The following FER1L6 variants were observed in gnomAD, a reference collection of about 807,000 sequenced individuals.
The protein encoded by FER1L6 is fer-1-like protein 6.
Under a neutral mutation model 219.2 loss-of-function variants are expected in FER1L6, and 177 were observed. The observed-to-expected ratio is 0.81, with a 90% CI of 0.71 to 0.91. The LOEUF is 0.91. Among genes scored for constraint, FER1L6 ranks in the 40% least tolerant of loss-of-function variants. FER1L6 has a pLI of 0.00. For synonymous variants in FER1L6, 768 were observed against 824.3 expected (o/e 0.93, Z 1.17); for missense variants, 2,153 against 2,259.9 (o/e 0.95, Z 0.96).
At chr8:124,004,966 C>T (rs1420073647) in intron 13 of FER1L6, among the ~76,000 whole-genome samples, 1 of 151,332 alleles carries the variant, frequency 6.6e-6, no homozygotes, top group African/African-American at 2.4e-5. Flanking sequence ...CCACTGCACT[C>T]CAGCCTGGGC....
chr8:124,043,329 G>A (rs2130745619), intron 20 of FER1L6, among the ~76,000 whole-genome samples: 1 of 152,262 alleles, frequency 6.6e-6, no homozygotes, highest in Non-Finnish European at 1.5e-5. Flanking sequence ...TCCAACATCA[G>A]GTAGGTAATG....
At chr8:123,940,639 G>A (rs1287590407) in intron 1 of FER1L6, among the ~76,000 whole-genome samples, 1 of 152,162 alleles carries the variant, frequency 6.6e-6, no homozygotes, top group Non-Finnish European at 1.5e-5. Context: ...CACCTGCTCA[G>A]AGTTTCACAT....
At chr8:124,055,822 G>T (rs1156283880) in intron 22 of FER1L6, among the ~76,000 whole-genome samples, 1 of 152,136 alleles carries the variant, frequency 6.6e-6, no homozygotes. Flanking sequence ...GCATCAGCAG[G>T]TCTGTGTTCC....
chr8:123,871,665 A>T (rs1334565380), intron 1 of FER1L6, among the ~76,000 whole-genome samples: 1 of 152,228 alleles, frequency 6.6e-6, no homozygotes, highest in African/African-American at 2.4e-5. Flanking sequence ...AATTATTTGT[A>T]TAGATACCTC....
intron 33 of FER1L6, among the ~76,000 whole-genome samples, chr8:124,083,361 T>C (rs1821653968): frequency 6.6e-6 from 1 of 152,196 alleles, no homozygotes; most frequent in South Asian, 2.1e-4. Context: ...TTTATTTTTC[T>C]TAACCTAATG....
chr8:123,940,424 G>A (rs1814192009), intron 1 of FER1L6, among the ~76,000 whole-genome samples: 1 of 152,070 alleles, frequency 6.6e-6, no homozygotes, highest in African/African-American at 2.4e-5. Context: ...TGCAACCTCC[G>A]CCTCCCAAGT....
In FER1L6 at chr8:124,039,776, GT is replaced by G. The variant is rs1046178932; in HGVS notation, c.2465-105del. The G allele has an allele frequency of 2.6e-3, 3,673 of 1,438,438 alleles. 13 individuals are homozygous for G. Among genetic ancestry groups the G allele is most frequent in the Non-Finnish European group, 3.1e-3 (3,267 of 1,043,808 alleles). 89.1% of individuals were successfully genotyped at this position (1,438,438 alleles called of 1,614,324 possible). On this transcript the variant is annotated intron_variant, in intron 19 of 40. Coordinates refer to ENST00000522917, the MANE Select transcript of FER1L6 (RefSeq NM_001039112.2). The stretch of plus-strand genomic sequence containing the variant: ...TGGATGTGGCTGGTGGTCTCCTTTT[GT>G]CTGTCTGTGGATACATAGATGGACA...
chr8:124,023,417 C>CA (rs751250833), intron 17 of FER1L6, 27 bp from the exon 18 acceptor site: 1 of 1,605,316 alleles, frequency 6.2e-7, no homozygotes, highest in Non-Finnish European at 8.5e-7. Context: ...CATTCCTATT[C>CA]AATCCCAACT....
At position 123,881,496 on chromosome 8, in the gene FER1L6, G is replaced by A. The variant is rs183067781; in HGVS notation, c.-8+29311G>A. ...GAAGAGTGAGTTCCTATTTCCAAAA[G>A]TGAAACTCAGAGAATATTCTTTTTC... On this transcript the variant is annotated intron_variant, in intron 1 of 40. Coordinates refer to ENST00000522917, the MANE Select transcript of FER1L6 (RefSeq NM_001039112.2). 3.4e-4 allele frequency among the ~76,000 whole-genome samples: 52 copies of A among 152,300 alleles called. No individual in the cohort carries two copies. The East Asian group carries it at 9.3e-3, about 27-fold the overall frequency.
intron 39 of FER1L6, among the ~76,000 whole-genome samples, chr8:124,115,100 G>A (rs1175499901): frequency 6.6e-6 from 1 of 151,216 alleles, no homozygotes; most frequent in Non-Finnish European, 1.5e-5. Flanking sequence ...CCCTTCTGTA[G>A]GCATGGTGCA....
chr8:124,031,798 G>A (rs752477866), intron 18 of FER1L6, among the ~76,000 whole-genome samples: 4 of 152,104 alleles, frequency 2.6e-5, no homozygotes, highest in Non-Finnish European at 4.4e-5. Context: ...GGAAGGCAGG[G>A]GCAGACATGT....
At chr8:124,007,811 T>A (rs1338062466) in intron 13 of FER1L6, among the ~76,000 whole-genome samples, 1 of 152,228 alleles carries the variant, frequency 6.6e-6, no homozygotes, top group African/African-American at 2.4e-5. Context: ...GGTGGTTAGA[T>A]GAGCAAGCCA....
At chr8:124,102,497 A>G (rs1431869146) in intron 38 of FER1L6, among the ~76,000 whole-genome samples, 1 of 152,092 alleles carries the variant, frequency 6.6e-6, no homozygotes, top group East Asian at 1.9e-4. Flanking sequence ...ATTATGAAAA[A>G]TTTTTCCATT....
At chr8:123,953,326 C>A (rs1392779762) in intron 1 of FER1L6, among the ~76,000 whole-genome samples, 1 of 152,188 alleles carries the variant, frequency 6.6e-6, no homozygotes, top group Non-Finnish European at 1.5e-5. Context: ...GTTTATTTGG[C>A]TTACTCTTCA....
intron 5 of FER1L6, among the ~76,000 whole-genome samples, chr8:123,968,477 A>G (rs1815657009): frequency 6.6e-6 from 1 of 152,176 alleles, no homozygotes; most frequent in Admixed American, 6.5e-5. Flanking sequence ...TCGGAAGCCT[A>G]TGTGAGGCAG....
chr8:123,888,263 C>T (rs1367840715), intron 1 of FER1L6, among the ~76,000 whole-genome samples: 2 of 152,018 alleles, frequency 1.3e-5, no homozygotes, highest in African/African-American at 2.4e-5. Context: ...ACTACAGGTG[C>T]ATACCACCAC....
At chr8:124,079,245 C>A (rs1023431333) in intron 32 of FER1L6, among the ~76,000 whole-genome samples, 1 of 152,220 alleles carries the variant, frequency 6.6e-6, no homozygotes, top group African/African-American at 2.4e-5. Context: ...GACCTCACTT[C>A]CAAATATGGT....
Position 124,070,678 on chromosome 8 carries a change from T to A in FER1L6, c.3966+80T>A. On this transcript the variant is annotated intron_variant, in intron 30 of 40. Coordinates refer to ENST00000522917, the MANE Select transcript of FER1L6 (RefSeq NM_001039112.2). ...TATGACTCGATTCTGTTAATGGAATTGTGGTGTGGGATGTGTGTAGGGAAA... is the reference window on the plus strand; with the variant it reads ...TATGACTCGATTCTGTTAATGGAATAGTGGTGTGGGATGTGTGTAGGGAAA... 5 of 1,303,852 alleles carry A rather than the reference T, an allele frequency of 3.8e-6. No individual in the cohort carries two copies. The South Asian group carries it at 7.4e-5, about 19-fold the overall frequency. The allele number at this position is 1,303,852 out of a possible 1,614,324, so 80.8% of individuals were successfully genotyped here. A position where few individuals can be genotyped will look rare whatever the true frequency, so the allele number is the denominator to read the frequency against.
chr8:124,040,421 C>A (rs972458058), intron 20 of FER1L6: 27 of 231,452 alleles, frequency 1.2e-4, no homozygotes, highest in African/African-American at 5.1e-4. Flanking sequence ...GGTCAAGATG[C>A]GCTAGACTTT....
Sources: gnomAD v4.1 joint callset for allele counts (sites outside exome capture counted in the v4.1 genomes callset) on GRCh38, gnomAD v4.1.1 for gene constraint, MANE v1.5 for transcripts, NCBI Gene and HGNC (gene_info 2026-07-23, HGNC 2026-07-21) for gene names.